Variants in PPM1D observed in about 807,000 individuals in gnomAD.
PPM1D encodes protein phosphatase 1D.
A neutral mutation model predicts 58.3 loss-of-function variants in PPM1D; 52 were observed. The observed-to-expected ratio is 0.89, with a 90% confidence interval of 0.71 to 1.12. The LOEUF (loss-of-function observed/expected upper bound fraction) is 1.12, where lower values mean the gene tolerates loss of function less well. Among genes scored for constraint, PPM1D ranks in the 50% most tolerant of loss-of-function variants. The probability of loss-of-function intolerance (pLI) is 0.00; values close to 1 mark genes in which losing one functional copy is unlikely to be tolerated. For missense variants in PPM1D, 564 were observed against 777.2 expected, an observed-to-expected ratio of 0.73 and a Z score of 3.26; for synonymous variants, 278 against 285.1, an observed-to-expected ratio of 0.98 and a Z score of 0.25.
intron 4 of PPM1D, 133 bp from the exon 5 acceptor site, chr17:60,656,464 AAG>A (rs1567977508): frequency 2.5e-6 from 3 of 1,203,080 alleles, no homozygotes; most frequent in East Asian, 2.6e-5. Flanking sequence ...AAAAAAAAAA[AAG>A]AGAAAAGAAA....
At chr17:60,608,227 G>T (rs2030374222) in intron 1 of PPM1D, among the ~76,000 whole-genome samples, 1 of 152,108 alleles carries the variant, frequency 6.6e-6, no homozygotes, top group African/African-American at 2.4e-5. Flanking sequence ...ATCACTTAGA[G>T]AAATAGAAGC....
intron 3 of PPM1D, among the ~76,000 whole-genome samples, chr17:60,635,035 G>C (rs1019518636): frequency 1.7e-4 from 26 of 151,964 alleles, no homozygotes; most frequent in African/African-American, 5.6e-4. Flanking sequence ...GTCTCCCAAA[G>C]CACTGGGATT....
chr17:60,623,633 G>T lies in PPM1D; in HGVS notation c.585G>T (p.Val195=), dbSNP rs754606192. 8.7e-6 allele frequency: 14 copies of T among 1,614,190 alleles called. No homozygotes were observed. The East Asian group carries it at 1.1e-4, about 13-fold the overall frequency. ...TAGCTCACGTAGGTGACTCAGGGGT[G>T]GTTCTTGGAATTCAGGATGACCCGA... ...MYVAHVGDSG[V]VLGIQDDPKD... is the part of the protein sequence containing the mutation. Residue 195 remains valine (V), a synonymous_variant, in exon 2 of 6, where the codon GTG becomes GTT. Coordinates refer to ENST00000305921, the MANE Select transcript of PPM1D (RefSeq NM_003620.4).
Position 60,648,271 on chromosome 17 carries a change from C to T in PPM1D, c.1017+189C>T, listed in dbSNP as rs922453692. On this transcript the variant is annotated intron_variant, in intron 4 of 5. Transcript: ENST00000305921. The stretch of plus-strand genomic sequence containing the variant: ...AGGAATGAGACAAGAAATATATAAC[C>T]GAAGTCTAATAACAAAACACACAAC... Among the ~76,000 whole-genome samples, 33 of 151,932 alleles carry T rather than the reference C, an allele frequency of 2.2e-4. 1 individual carries two copies. Among genetic ancestry groups the T allele is most frequent in the African/African-American group, 7.5e-4 (31 of 41,342 alleles).
At chr17:60,616,021 T>A (rs539739194) in intron 1 of PPM1D, among the ~76,000 whole-genome samples, 1 of 152,218 alleles carries the variant, frequency 6.6e-6, no homozygotes, top group South Asian at 2.1e-4. Flanking sequence ...TTTTTGTTTT[T>A]TTTGGAGGCA....
chr17:60,603,797 A>G (rs754753746), intron 1 of PPM1D, among the ~76,000 whole-genome samples: 22 of 151,986 alleles, frequency 1.4e-4, no homozygotes, highest in Non-Finnish European at 2.1e-4. Flanking sequence ...TATCATATCC[A>G]CTTCTGCACT....
intron 3 of PPM1D, among the ~76,000 whole-genome samples, chr17:60,643,883 C>CT (rs71148308): frequency 0.55 from 53,537 of 97,814 alleles, 16,211 homozygotes; most frequent in East Asian, 0.76. Context: ...CTTTTCTTTT[C>CT]TTTTTTTTTT....
At chr17:60,632,060 C>G (rs2030933004) in intron 2 of PPM1D, among the ~76,000 whole-genome samples, 1 of 151,978 alleles carries the variant, frequency 6.6e-6, no homozygotes, top group South Asian at 2.1e-4. Flanking sequence ...TGCCTGTAGT[C>G]CCAGCTACTC....
chr17:60,645,159 G>C (rs1168260142), intron 3 of PPM1D, among the ~76,000 whole-genome samples: 1 of 152,112 alleles, frequency 6.6e-6, no homozygotes, highest in Non-Finnish European at 1.5e-5. Context: ...TTCCAGACCA[G>C]CCTAGCCAAC....
At chr17:60,645,729 A>C (rs2031240398) in intron 3 of PPM1D, among the ~76,000 whole-genome samples, 2 of 149,748 alleles carry the variant, frequency 1.3e-5, no homozygotes, top group South Asian at 4.2e-4. Context: ...TAAGAACATA[A>C]GAATAATAGT....
intron 3 of PPM1D, among the ~76,000 whole-genome samples, chr17:60,642,429 C>A (rs1403670256): frequency 2.7e-5 from 4 of 150,466 alleles, no homozygotes; most frequent in African/African-American, 4.9e-5. Flanking sequence ...GGGTAGCCAC[C>A]CCCGCCCACA....
intron 1 of PPM1D, among the ~76,000 whole-genome samples, chr17:60,612,113 G>A (rs898467190): frequency 1.6e-4 from 25 of 151,928 alleles, no homozygotes; most frequent in African/African-American, 6.0e-4. Context: ...AGTATACTCT[G>A]ATAATTTTTG....
chr17:60,623,490 C>T (rs776886680), intron 1 of PPM1D, 31 bp from the exon 2 acceptor site: 1 of 1,577,582 alleles, frequency 6.3e-7, no homozygotes, highest in African/African-American at 1.3e-5. Context: ...TTTATACTTG[C>T]AAGAGTGAAA....
chr17:60,624,119 C>T (rs930349732), intron 2 of PPM1D, among the ~76,000 whole-genome samples: 8 of 152,258 alleles, frequency 5.3e-5, no homozygotes, highest in East Asian at 1.9e-4. Context: ...AATTAACCTT[C>T]AGCTTTTTTC....
At chr17:60,623,409 C>T in intron 1 of PPM1D, 112 bp from the exon 2 acceptor site, 3 of 1,011,612 alleles carry the variant, frequency 3.0e-6, no homozygotes, top group East Asian at 2.5e-5. Context: ...AAATTGTTTC[C>T]TGTGCTAATT....
At chr17:60,658,728 C>G (rs2143723619) in intron 5 of PPM1D, among the ~76,000 whole-genome samples, 1 of 152,002 alleles carries the variant, frequency 6.6e-6, no homozygotes, top group South Asian at 2.1e-4. Context: ...CTTTGGGAGG[C>G]AGAGGCACAT....
At chr17:60,645,213 A>T (rs1207254793) in intron 3 of PPM1D, among the ~76,000 whole-genome samples, 1 of 151,752 alleles carries the variant, frequency 6.6e-6, no homozygotes, top group Non-Finnish European at 1.5e-5. Context: ...AATTAGCCAG[A>T]TGTGGTGGCG....
chr17:60,655,403 C>T (rs1439914782), intron 4 of PPM1D, among the ~76,000 whole-genome samples: 1 of 152,212 alleles, frequency 6.6e-6, no homozygotes, highest in Non-Finnish European at 1.5e-5. Flanking sequence ...GGCGGGAGTG[C>T]AGTGGCGTGA....
chr17:60,620,260 G>A (rs1022438706), intron 1 of PPM1D, among the ~76,000 whole-genome samples: 1 of 152,090 alleles, frequency 6.6e-6, no homozygotes, highest in Admixed American at 6.6e-5. Flanking sequence ...GCCTCCCAGA[G>A]TGCTGGGAAT....
Sources: gnomAD v4.1 joint callset for allele counts (sites outside exome capture counted in the v4.1 genomes callset) on GRCh38, gnomAD v4.1.1 for gene constraint, MANE v1.5 for transcripts, NCBI Gene and HGNC (gene_info 2026-07-23, HGNC 2026-07-21) for gene names.